CNTNAP4: variants seen among roughly 807,000 people sequenced by gnomAD.
The protein encoded by CNTNAP4 is contactin associated protein family member 4.
Under a neutral mutation model 148.4 loss-of-function variants are expected in CNTNAP4, and 98 were observed. The ratio of observed to expected loss-of-function variants is 0.66; its 90% CI spans 0.56 to 0.78. The LOEUF (loss-of-function observed/expected upper bound fraction) is 0.78. Ranked by LOEUF, CNTNAP4 falls within the 30% of genes least tolerant of loss-of-function variation. The pLI is 0.00. For synonymous variants in CNTNAP4, 730 were observed against 565.1 expected (o/e 1.29, Z -4.14); for missense variants, 1,935 against 1,565.6 (o/e 1.24, Z -3.98).
In CNTNAP4 at chr16:76,280,527, A is replaced by G. The variant is rs1180078159; in HGVS notation, c.85+2780A>G. 3.9e-5 allele frequency among the ~76,000 whole-genome samples: 6 copies of G among 152,146 alleles called. No individual in the cohort carries two copies. In the East Asian group the frequency reaches 1.2e-3, roughly 29 times the overall value. ...TTGCATATTTTTGGTGGCCCTGTTA[A>G]GTACTTATCTGTCTAAAGATGAAAT... On this transcript the variant is annotated intron_variant, in intron 1 of 23. Coordinates refer to ENST00000611870, the MANE Select transcript of CNTNAP4 (RefSeq NM_033401.5).
chr16:76,426,345 A>G, intron 3 of CNTNAP4, among the ~76,000 whole-genome samples: 1 of 152,166 alleles, frequency 6.6e-6, no homozygotes, highest in East Asian at 1.9e-4. Context: ...TGCAGTCTAC[A>G]TGAGGTTGAT....
chr16:76,554,819 AC>A (rs1400864399), intron 23 of CNTNAP4, among the ~76,000 whole-genome samples: 1 of 152,044 alleles, frequency 6.6e-6, no homozygotes, highest in Non-Finnish European at 1.5e-5. Context: ...CTATTCAGTC[AC>A]AAACCCAGCT....
At chr16:76,520,371 T>C (rs572217226) in intron 15 of CNTNAP4, among the ~76,000 whole-genome samples, 39 of 152,332 alleles carry the variant, frequency 2.6e-4, no homozygotes, top group South Asian at 1.4e-3. Flanking sequence ...AAGTGGTATT[T>C]GGGCAGCAAT....
chr16:76,377,931 G>T, intron 3 of CNTNAP4, among the ~76,000 whole-genome samples: 1 of 151,964 alleles, frequency 6.6e-6, no homozygotes, highest in East Asian at 1.9e-4. Context: ...GCAAAGCTTT[G>T]TCTGTGCATT....
intron 3 of CNTNAP4, among the ~76,000 whole-genome samples, chr16:76,416,574 T>C (rs1025562018): frequency 6.6e-6 from 1 of 151,400 alleles, no homozygotes; most frequent in Non-Finnish European, 1.5e-5. Context: ...TATTAATTTA[T>C]AGTTTAATTC....
intron 3 of CNTNAP4, among the ~76,000 whole-genome samples, chr16:76,386,911 A>G (rs2016561500): frequency 1.3e-5 from 2 of 152,190 alleles, no homozygotes; most frequent in Non-Finnish European, 1.5e-5. Context: ...TGGAAGGAGA[A>G]TAGAGTTATG....
At chr16:76,464,036 C>T (rs1411120296) in intron 9 of CNTNAP4, among the ~76,000 whole-genome samples, 1 of 152,082 alleles carries the variant, frequency 6.6e-6, no homozygotes, top group Non-Finnish European at 1.5e-5. Flanking sequence ...AAATACAAGC[C>T]CTGCAAAATC....
chr16:76,513,017 G>GAA, intron 15 of CNTNAP4, among the ~76,000 whole-genome samples: 1 of 152,202 alleles, frequency 6.6e-6, no homozygotes, highest in South Asian at 2.1e-4. Context: ...ATAGTGGGAG[G>GAA]AAAAAATGTG....
chr16:76,309,252 G>A (rs942794317), intron 1 of CNTNAP4, among the ~76,000 whole-genome samples: 3 of 152,012 alleles, frequency 2.0e-5, no homozygotes, highest in Non-Finnish European at 4.4e-5. Flanking sequence ...AGAGCTGGGG[G>A]AAAGCTCCAG....
intron 15 of CNTNAP4, among the ~76,000 whole-genome samples, chr16:76,500,267 G>C (rs1286736224): frequency 6.6e-6 from 1 of 152,154 alleles, no homozygotes; most frequent in Non-Finnish European, 1.5e-5. Context: ...CTGGCCGGGC[G>C]GGGGCTGTAT....
chr16:76,466,650 G>A (rs997000096), intron 9 of CNTNAP4, among the ~76,000 whole-genome samples: 1 of 151,810 alleles, frequency 6.6e-6, no homozygotes, highest in African/African-American at 2.4e-5. Context: ...GACAATAATG[G>A]TTAATATTAT....
At chr16:76,362,259 C>T (rs1206855039) in intron 3 of CNTNAP4, among the ~76,000 whole-genome samples, 1 of 151,924 alleles carries the variant, frequency 6.6e-6, no homozygotes, top group African/African-American at 2.4e-5. Context: ...AAAGAAGAAC[C>T]AAATAAATGA....
At chr16:76,493,386 G>A (rs554069981) in intron 13 of CNTNAP4, among the ~76,000 whole-genome samples, 1 of 152,140 alleles carries the variant, frequency 6.6e-6, no homozygotes, top group African/African-American at 2.4e-5. Flanking sequence ...AGTAATTATG[G>A]GAGGTGGAAT....
At chr16:76,451,095 G>GT (rs1397287389) in intron 7 of CNTNAP4, among the ~76,000 whole-genome samples, 1 of 152,212 alleles carries the variant, frequency 6.6e-6, no homozygotes, top group Non-Finnish European at 1.5e-5. Flanking sequence ...CTGTCGGTCG[G>GT]TTGGGCCAGC....
intron 2 of CNTNAP4, among the ~76,000 whole-genome samples, chr16:76,352,203 T>C (rs1273032297): frequency 1.3e-5 from 2 of 152,136 alleles, no homozygotes; most frequent in African/African-American, 2.4e-5. Context: ...GAATTCAAGA[T>C]GCTTGATTAG....
rs896136115 is a variant in CNTNAP4 at position 76,316,663 on chromosome 16, G to A, written c.196+140G>A. The A allele has an allele frequency of 3.1e-5, 20 of 635,958 alleles. No homozygotes were observed. The East Asian group carries it at 4.9e-4, about 16-fold the overall frequency. The allele number at this position is 635,958 out of a possible 1,614,324, so 39.4% of individuals were successfully genotyped here. On this transcript the variant is annotated intron_variant, in intron 2 of 23. Coordinates refer to ENST00000611870, the MANE Select transcript of CNTNAP4 (RefSeq NM_033401.5). ...AGCAAATGGTTAAAACTCATGAGAT[G>A]TATATGACATCTAGCTTCTGTTCTG... is the stretch of plus-strand genomic sequence containing the variant.
chr16:76,553,365 C>A lies in CNTNAP4; in HGVS notation c.3525C>A (p.His1175Gln), dbSNP rs761882193. The part of the protein sequence containing the change: ...TGCLSAVQLS[H>Q]VAPLKAALHP... ...GCCTCTCTGCAGTGCAGCTCAGCCACGTGGCCCCTCTGAAGGCAGCTCTGC... is the reference window on the plus strand; with the variant it reads ...GCCTCTCTGCAGTGCAGCTCAGCCAAGTGGCCCCTCTGAAGGCAGCTCTGC... Residue 1175 changes from histidine (H) to glutamine (Q), a missense_variant, in exon 22 of 24, where the codon CAC becomes CAA. Coordinates refer to ENST00000611870, the MANE Select transcript of CNTNAP4 (RefSeq NM_033401.5). 6.2e-7 allele frequency: 1 copy of A among 1,612,728 alleles called. No individual in the cohort carries two copies. The highest frequency in any genetic ancestry group is 1.3e-5 in the African/African-American group (1 of 75,028).
intron 7 of CNTNAP4, among the ~76,000 whole-genome samples, 154 bp from the exon 8 acceptor site, chr16:76,452,354 T>G (rs768732952): frequency 2.0e-5 from 3 of 152,170 alleles, no homozygotes; most frequent in Non-Finnish European, 4.4e-5. Flanking sequence ...TGAAGAACCT[T>G]TAAGAAATAT....
rs772537774 is a variant in CNTNAP4, at chr16:76,316,527, A to G, written c.196+4A>G. On this transcript the variant is annotated splice_donor_region_variant and intron_variant, in intron 2 of 23. Coordinates refer to ENST00000611870, the MANE Select transcript of CNTNAP4 (RefSeq NM_033401.5). ...GCAAGGCTGAATAGAAGAGATGGTA[A>G]GTCTGCTTTTCTCCTCTGACTGGCC... The G allele has an allele frequency of 6.3e-7, 1 of 1,598,390 alleles. No homozygotes were observed. Among genetic ancestry groups the G allele is most frequent in the South Asian group, 1.1e-5 (1 of 90,696 alleles).
Sources: allele counts gnomAD v4.1 joint callset (sites outside exome capture counted in the v4.1 genomes callset), GRCh38; gene constraint gnomAD v4.1.1; transcripts MANE v1.5; gene names NCBI Gene and HGNC (gene_info 2026-07-23, HGNC 2026-07-21).